SLC44A5: variants seen among roughly 807,000 people sequenced by gnomAD.
SLC44A5 encodes solute carrier family 44 member 5, also known as choline transporter-like protein 5.
In SLC44A5, 57 loss-of-function variants were observed where a neutral mutation model predicts 101.8. The ratio of observed to expected loss-of-function variants is 0.56; its 90% CI spans 0.45 to 0.70. The LOEUF is 0.70. Among genes scored for constraint, SLC44A5 ranks in the 30% least tolerant of loss-of-function variants. SLC44A5 has a pLI of 0.00. For synonymous variants in SLC44A5, 281 were observed against 290.9 expected, an observed-to-expected ratio of 0.97 and a Z score of 0.35; for missense variants, 737 against 853.1, an observed-to-expected ratio of 0.86 and a Z score of 1.70.
intron 1 of SLC44A5, among the ~76,000 whole-genome samples, chr1:75,594,192 G>A (rs556423135): frequency 1.4e-4 from 22 of 151,738 alleles, no homozygotes; most frequent in Non-Finnish European, 2.1e-4. Flanking sequence ...CTCCAGTTGC[G>A]TCATTTAAAA....
chr1:75,559,666 A>G (rs1279112222), intron 1 of SLC44A5, among the ~76,000 whole-genome samples: 1 of 152,198 alleles, frequency 6.6e-6, no homozygotes, highest in African/African-American at 2.4e-5. Flanking sequence ...CATAAGCAAC[A>G]AAAGAAAAAC....
At chr1:75,324,658 G>A (rs1162940811) in intron 4 of SLC44A5, among the ~76,000 whole-genome samples, 1 of 152,144 alleles carries the variant, frequency 6.6e-6, no homozygotes, top group Non-Finnish European at 1.5e-5. Context: ...TCTGAAGGCT[G>A]CAAGTTTATT....
chr1:75,713,180 T>A, the SLC44A5 span, among the ~76,000 whole-genome samples: 2 of 152,204 alleles, frequency 1.3e-5, no homozygotes, highest in African/African-American at 4.8e-5. Flanking sequence ...ACATCCTTAC[T>A]TCTCAAGTGT....
chr1:75,664,704 A>G, the SLC44A5 span, among the ~76,000 whole-genome samples: 1 of 152,070 alleles, frequency 6.6e-6, no homozygotes, highest in East Asian at 1.9e-4. Context: ...AGTGGACCAC[A>G]AGGTCAGGAG....
chr1:75,659,349 A>G, the SLC44A5 span, among the ~76,000 whole-genome samples: 1 of 147,866 alleles, frequency 6.8e-6, no homozygotes, highest in Admixed American at 6.8e-5. Flanking sequence ...AGAGAGAAAA[A>G]AAGAAAGAAA....
At chr1:75,653,148 G>GT in the SLC44A5 span, among the ~76,000 whole-genome samples, 2 of 152,088 alleles carry the variant, frequency 1.3e-5, no homozygotes, top group African/African-American at 2.4e-5. Context: ...ATGCCTTCAA[G>GT]TTTTTTATGA....
intron 3 of SLC44A5, among the ~76,000 whole-genome samples, chr1:75,386,770 G>A (rs1661385546): frequency 6.6e-6 from 1 of 151,680 alleles, no homozygotes; most frequent in South Asian, 2.1e-4. Flanking sequence ...TAAGCCAAAA[G>A]AACAAAGCTG....
At chr1:75,289,084 G>A (rs1028433972) in intron 5 of SLC44A5, among the ~76,000 whole-genome samples, 1 of 152,130 alleles carries the variant, frequency 6.6e-6, no homozygotes, top group East Asian at 1.9e-4. Context: ...GTTCCTGAGG[G>A]GTCCAGTAGT....
chr1:75,371,481 C>A (rs543654694), intron 3 of SLC44A5, among the ~76,000 whole-genome samples: 65 of 152,216 alleles, frequency 4.3e-4, no homozygotes, highest in African/African-American at 1.4e-3. Flanking sequence ...TCAACATATC[C>A]AAAGACCCAA....
In SLC44A5 at chr1:75,255,626, G is replaced by A. The variant is rs892416495; in HGVS notation, c.261-4332C>T. 2.0e-5 allele frequency among the ~76,000 whole-genome samples: 3 copies of A among 152,024 alleles called. No homozygotes were observed. In the South Asian group the frequency reaches 6.2e-4, roughly 32 times the overall value. On this transcript the variant is annotated intron_variant, in intron 6 of 23. Transcript: ENST00000370859. ...GGATAAAAATCGCAAAGAAATAACA[G>A]AAGAAAATTGTCCAGAGCTGATGAG...
chr1:75,272,353 A>G (rs1204236068), intron 6 of SLC44A5, among the ~76,000 whole-genome samples: 3 of 146,322 alleles, frequency 2.1e-5, no homozygotes, highest in African/African-American at 7.6e-5. Context: ...TAGACTTGTA[A>G]TATTTTATTT....
At chr1:75,685,627 A>T in the SLC44A5 span, among the ~76,000 whole-genome samples, 2 of 152,186 alleles carry the variant, frequency 1.3e-5, no homozygotes, top group Non-Finnish European at 2.9e-5. Context: ...GTCTCTAGGC[A>T]GTTCGAAACT....
intron 4 of SLC44A5, among the ~76,000 whole-genome samples, chr1:75,325,498 GT>G (rs1656511598): frequency 6.6e-6 from 1 of 151,210 alleles, no homozygotes; most frequent in East Asian, 1.9e-4. Context: ...GCTTTCCAAG[GT>G]TTCAGTTACT....
At chr1:75,667,585 C>T in the SLC44A5 span, among the ~76,000 whole-genome samples, 5 of 152,010 alleles carry the variant, frequency 3.3e-5, no homozygotes, top group African/African-American at 9.7e-5. Context: ...ATACTTTAAA[C>T]TTCATATGGA....
At chr1:75,204,189 T>C (rs1391269654) in intron 23 of SLC44A5, among the ~76,000 whole-genome samples, 3 of 151,920 alleles carry the variant, frequency 2.0e-5, no homozygotes, top group African/African-American at 7.3e-5. Context: ...TGTTTTGCCA[T>C]CAATAATTTA....
Position 75,203,251 on chromosome 1 carries a change from AACTGGGGCAGT to A in SLC44A5, c.*465_*475del, listed in dbSNP as rs2100413478. On this transcript the variant is annotated 3_prime_UTR_variant, in exon 24 of 24. Coordinates refer to ENST00000370859, the MANE Select transcript of SLC44A5 (RefSeq NM_001130058.2). ...CTATACTTAAAGAGAGCAAACTCTC[AACTGGGGCAGT>A]CCTTTCACTGATTTACTGTCCAACG... 6.6e-6 allele frequency: 1 copy of A among 152,430 alleles called. No homozygotes were observed. Among genetic ancestry groups the A allele is most frequent in the African/African-American group, 2.4e-5 (1 of 41,576 alleles). The allele number at this position is 152,430 out of a possible 1,614,324, so 9.4% of individuals were successfully genotyped here. A position where few individuals can be genotyped will look rare whatever the true frequency, so the allele number is the denominator to read the frequency against.
chr1:75,513,318 A>G (rs942724425), intron 2 of SLC44A5, among the ~76,000 whole-genome samples: 1 of 152,232 alleles, frequency 6.6e-6, no homozygotes, highest in African/African-American at 2.4e-5. Flanking sequence ...TAATGGAGGA[A>G]TCATGTTTAT....
chr1:75,608,090 A>G (rs994361845), intron 1 of SLC44A5, among the ~76,000 whole-genome samples: 1 of 152,058 alleles, frequency 6.6e-6, no homozygotes, highest in Admixed American at 6.6e-5. Flanking sequence ...AAGTGAGATC[A>G]TACAGTATTT....
At chr1:75,534,135 G>T (rs1381454047) in intron 2 of SLC44A5, among the ~76,000 whole-genome samples, 1 of 152,116 alleles carries the variant, frequency 6.6e-6, no homozygotes. Context: ...CAGAAAAGGG[G>T]ACACCTATTT....
Sources: allele counts gnomAD v4.1 joint callset (sites outside exome capture counted in the v4.1 genomes callset), GRCh38; gene constraint gnomAD v4.1.1; transcripts MANE v1.5; gene names NCBI Gene and HGNC (gene_info 2026-07-23, HGNC 2026-07-21).